Variants in SEC14L6 observed in about 807,000 individuals in gnomAD.
SEC14L6 encodes SEC14-like protein 6.
A neutral mutation model predicts 54.1 loss-of-function variants in SEC14L6; 40 were observed. That is an observed-to-expected ratio of 0.74 (90% CI 0.57 to 0.96). SEC14L6 has a LOEUF of 0.96. Among genes scored for constraint, SEC14L6 ranks in the 40% least tolerant of loss-of-function variants. SEC14L6 has a pLI of 0.00. For synonymous variants in SEC14L6, 171 were observed against 198.4 expected (o/e 0.86, Z 1.16); for missense variants, 471 against 498.3 (o/e 0.95, Z 0.52).
chr22:30,542,068 G>C (rs947837261), intron 1 of SEC14L6, among the ~76,000 whole-genome samples: 1 of 152,166 alleles, frequency 6.6e-6, no homozygotes, highest in African/African-American at 2.4e-5. Context: ...GGTGGGCGGG[G>C]ACGCCCGGCT....
rs1451300990 is a variant in SEC14L6 at position 30,542,550 on chromosome 22, C to T, written c.55-3648G>A. 3 of 1,301,442 alleles carry T rather than the reference C, an allele frequency of 2.3e-6. No individual in the cohort carries two copies. In the African/African-American group the frequency reaches 4.7e-5, roughly 20 times the overall value. 80.6% of individuals were successfully genotyped at this position (1,301,442 alleles called of 1,614,324 possible). A position where few individuals can be genotyped will look rare whatever the true frequency, so the allele number is the denominator to read the frequency against. Reference sequence around the variant, plus strand: ...GGCGCTTCTAGTGCCTTCCAGCCCTCGCGGGCGGCGTAGCCGCGGCCCATG... The same window carrying T: ...GGCGCTTCTAGTGCCTTCCAGCCCTTGCGGGCGGCGTAGCCGCGGCCCATG... On this transcript the variant is annotated intron_variant, in intron 1 of 11. Coordinates refer to ENST00000402034, the MANE Select transcript of SEC14L6 (RefSeq NM_001193336.4).
chr22:30,532,802 G>T lies in SEC14L6; in HGVS notation c.229C>A (p.Pro77Thr), dbSNP rs1937028007. Residue 77 changes from proline (P) to threonine (T), a missense_variant, in exon 4 of 12, where the codon CCA (proline) becomes ACA (threonine). Physicochemically the swap from Pro to Thr is conservative, Grantham distance 38. Transcript: ENST00000402034. ...TGGGTTTGAGAGATGCTCACCTCTGGGGGCTGCCAGGCAAGGATGTTGGCC... is the reference window on the plus strand; with the variant it reads ...TGGGTTTGAGAGATGCTCACCTCTGTGGGCTGCCAGGCAAGGATGTTGGCC... ...DLANILAWQP[P>T]EVVRLYNANG... is the part of the protein sequence containing the mutation. The T allele has an allele frequency of 6.2e-7, 1 of 1,613,356 alleles. No homozygotes were observed. The highest frequency in any genetic ancestry group is 2.2e-5 in the East Asian group (1 of 44,884).
rs1936739970 is a variant in SEC14L6, at chr22:30,525,495, C to T, written c.936G>A (p.Gly312=). The T allele has an allele frequency of 1.2e-6, 2 of 1,614,020 alleles. No individual in the cohort carries two copies. Among genetic ancestry groups the T allele is most frequent in the African/African-American group, 1.3e-5 (1 of 74,910 alleles). The stretch of plus-strand genomic sequence containing the variant: ...TCAGGAAAACCCCAAAGCCAATGTC[C>T]CCACCATCTGAAGCAAACTGCCACC... ...VLRWQFASDG[G]DIGFGVFLKT... The change falls in exon 11 of 12, where the codon GGG becomes GGA. Residue 312 remains glycine, a synonymous_variant. Coordinates refer to ENST00000402034, the MANE Select transcript of SEC14L6 (RefSeq NM_001193336.4).
chr22:30,526,313 T>C (rs1028181606), intron 8 of SEC14L6, among the ~76,000 whole-genome samples: 1 of 152,188 alleles, frequency 6.6e-6, no homozygotes, highest in Admixed American at 6.5e-5. Flanking sequence ...CCTTAGAGAC[T>C]GAACTCAGCC....
chr22:30,538,899 G>A lies in SEC14L6; in HGVS notation c.58C>T (p.Arg20Trp), dbSNP rs9608973. The change falls in exon 2 of 12, where the codon CGG becomes TGG. Residue 20 changes from arginine (R) to tryptophan (W), a missense_variant. Transcript: ENST00000402034. ...GATAGCACATCTTGGATGTTCTCCCGGAACTGAGGACAGACAGGGAGAGAC... is the reference window on the plus strand; with the variant it reads ...GATAGCACATCTTGGATGTTCTCCCAGAACTGAGGACAGACAGGGAGAGAC... ...PSQEKSLAQF[R>W]ENIQDVLSAL... is the part of the protein sequence containing the mutation. The A allele has an allele frequency of 5.1e-3, 7,872 of 1,552,022 alleles. 47 individuals are homozygous for A. Among genetic ancestry groups the A allele is most frequent in the Middle Eastern group, 0.021 (125 of 5,990 alleles).
At chr22:30,530,828 G>C (rs890654403) in intron 6 of SEC14L6, among the ~76,000 whole-genome samples, 9 of 152,244 alleles carry the variant, frequency 5.9e-5, no homozygotes, top group African/African-American at 2.2e-4. Context: ...AGCACTCCCA[G>C]ATGACCTACT....
At chr22:30,531,463 G>A (rs1036940529) in intron 6 of SEC14L6, among the ~76,000 whole-genome samples, 11 of 150,800 alleles carry the variant, frequency 7.3e-5, no homozygotes, top group African/African-American at 2.2e-4. Context: ...AGTGGCTCAC[G>A]CCTGTAATCC....
At chr22:30,537,742 T>C (rs926811169) in intron 2 of SEC14L6, among the ~76,000 whole-genome samples, 2 of 152,230 alleles carry the variant, frequency 1.3e-5, no homozygotes, top group Non-Finnish European at 2.9e-5. Flanking sequence ...CAATCAGTTA[T>C]CTTTCTATTG....
At chr22:30,542,609 C>CGCTGCTCTGCCT in intron 1 of SEC14L6, 1 of 1,523,424 alleles carries the variant, frequency 6.6e-7, no homozygotes, top group South Asian at 1.2e-5. Context: ...CGCCTCGGGC[C>CGCTGCTCTGCCT]GCTGCTCTGC....
intron 2 of SEC14L6, among the ~76,000 whole-genome samples, chr22:30,537,786 T>A (rs767491217): frequency 1.3e-5 from 2 of 152,216 alleles, no homozygotes; most frequent in African/African-American, 4.8e-5. Flanking sequence ...ACCAGAAAAG[T>A]ACTGTAGCTT....
chr22:30,525,562 C>T (rs1568961176), intron 10 of SEC14L6, 43 bp from the exon 11 acceptor site: 1 of 1,610,506 alleles, frequency 6.2e-7, no homozygotes, highest in Non-Finnish European at 8.5e-7. Flanking sequence ...TGCCTGGGCT[C>T]CAGGCCCCTC....
chr22:30,535,196 T>G (rs1937105312), intron 2 of SEC14L6, among the ~76,000 whole-genome samples: 1 of 152,154 alleles, frequency 6.6e-6, no homozygotes, highest in Non-Finnish European at 1.5e-5. Flanking sequence ...AAACACCCAG[T>G]GGATGTTATA....
chr22:30,542,592 C>G (rs987477453), intron 1 of SEC14L6: 152 of 1,496,686 alleles, frequency 1.0e-4, no homozygotes, highest in Non-Finnish European at 1.3e-4. Flanking sequence ...GCGGGCCGGT[C>G]CCCGGCCGCC....
Position 30,529,453 on chromosome 22 carries a change from T to C in SEC14L6, c.520-104A>G, listed in dbSNP as rs1936896600. 1.0e-5 allele frequency: 9 copies of C among 896,814 alleles called. No homozygotes were observed. The Admixed American group carries it at 1.9e-4, about 18-fold the overall frequency. The allele number at this position is 896,814 out of a possible 1,614,324, so 55.6% of individuals were successfully genotyped here. A position where few individuals can be genotyped will look rare whatever the true frequency, so the allele number is the denominator to read the frequency against. On this transcript the variant is annotated intron_variant, in intron 6 of 11. Coordinates refer to ENST00000402034, the MANE Select transcript of SEC14L6 (RefSeq NM_001193336.4). Reference sequence around the variant, plus strand: ...CCAAGGGCACAGCCTTGGCCTCGAATGCCAACCATCCAAGGCTTTGATGCA... The same window carrying C: ...CCAAGGGCACAGCCTTGGCCTCGAACGCCAACCATCCAAGGCTTTGATGCA...
chr22:30,525,550 C>T (rs1936742534), intron 10 of SEC14L6, 31 bp from the exon 11 acceptor site: 10 of 1,610,900 alleles, frequency 6.2e-6, no homozygotes, highest in Non-Finnish European at 8.5e-6. Flanking sequence ...TTGGCGACCC[C>T]CTGCCTGGGC....
At chr22:30,529,649 G>T (rs997292446) in intron 6 of SEC14L6, among the ~76,000 whole-genome samples, 23 of 151,958 alleles carry the variant, frequency 1.5e-4, no homozygotes, top group African/African-American at 2.9e-4. Flanking sequence ...TTGCTATATT[G>T]CCCAGGCTGG....
At chr22:30,532,399 A>G (rs553815623) in intron 5 of SEC14L6, 126 bp downstream of exon 5, 2 of 1,303,638 alleles carry the variant, frequency 1.5e-6, no homozygotes, top group East Asian at 2.5e-5. Flanking sequence ...CTGAACCTGC[A>G]TTCACTCCAC....
intron 1 of SEC14L6, chr22:30,542,592 C>A (rs987477453): frequency 4.7e-6 from 7 of 1,496,686 alleles, no homozygotes; most frequent in Admixed American, 2.2e-5. Flanking sequence ...GCGGGCCGGT[C>A]CCCGGCCGCC....
At position 30,529,323 on chromosome 22, in the gene SEC14L6, G is replaced by C; in HGVS notation, c.546C>G (p.Tyr182Ter). 1.9e-6 allele frequency: 3 copies of C among 1,550,496 alleles called. No homozygotes were observed. The highest frequency in any genetic ancestry group is 2.6e-6 in the Non-Finnish European group (3 of 1,146,938). ...QEFFSALEAN[Y>*]PEILKSLIVV... Reference sequence around the variant, plus strand: ...CAATTAAACTCTTCAAGATCTCAGGGTAATTTGCTTCAAGTGCTGAGAAAA... The same window carrying C: ...CAATTAAACTCTTCAAGATCTCAGGCTAATTTGCTTCAAGTGCTGAGAAAA... The change falls in exon 7 of 12, where the codon TAC becomes TAG. Residue 182 changes from tyrosine (Y) to a stop codon, truncating the protein, a stop_gained. Coordinates refer to ENST00000402034, the MANE Select transcript of SEC14L6 (RefSeq NM_001193336.4). LOFTEE classifies it high-confidence loss of function.
Sources: allele counts gnomAD v4.1 joint callset (sites outside exome capture counted in the v4.1 genomes callset), GRCh38; gene constraint gnomAD v4.1.1; transcripts MANE v1.5; gene names NCBI Gene and HGNC (gene_info 2026-07-23, HGNC 2026-07-21).